The following DPP10 variants were observed in gnomAD, a reference collection of about 807,000 sequenced individuals.
DPP10 encodes the protein inactive dipeptidyl peptidase 10.
Under a neutral mutation model 120.9 loss-of-function variants are expected in DPP10, and 33 were observed. The observed-to-expected ratio is 0.27, with a 90% CI of 0.21 to 0.37. The LOEUF (loss-of-function observed/expected upper bound fraction) is 0.37. DPP10 is among the 10% of genes least tolerant of loss of function. The pLI is 1.00. For synonymous variants in DPP10, 337 were observed against 326.1 expected, an observed-to-expected ratio of 1.03 and a Z score of -0.36; for missense variants, 816 against 942.8, an observed-to-expected ratio of 0.87 and a Z score of 1.76.
At chr2:115,097,792 A>C (rs1481440904) in intron 1 of DPP10, among the ~76,000 whole-genome samples, 3 of 152,174 alleles carry the variant, frequency 2.0e-5, no homozygotes, top group African/African-American at 7.2e-5. Context: ...TTTTTTGAAT[A>C]GTCCTTGTTA....
In DPP10 at chr2:115,814,808, A is replaced by T. The variant is rs1033960834; in HGVS notation, c.1716A>T (p.Gly572=). ...GTATTTGCAGGGATGAAGAACCAGG[A>T]GGCCAGCTGGTTACAGATAAGTTCC... ...ALLLIMDEEP[G]GQLVTDKFHI... Residue 572 remains glycine, a synonymous_variant, in exon 20 of 26, where the codon GGA becomes GGT. Transcript: ENST00000410059. 7.1e-6 allele frequency: 11 copies of T among 1,547,006 alleles called. No individual in the cohort carries two copies. The African/African-American group carries it at 1.5e-4, about 21-fold the overall frequency.
In DPP10 at chr2:115,782,373, G is replaced by T; in HGVS notation, c.1505G>T (p.Ser502Ile). Reference protein sequence around the residue: ...FCEGPRVPVVSLHSTDNPAKY... With the variant: ...FCEGPRVPVVILHSTDNPAKY... The stretch of plus-strand genomic sequence containing the variant: ...CCAGGTCCAAGGGTCCCAGTGGTCA[G>T]CCTACATAGTACGGACAACCCAGCA... The change falls in exon 17 of 26, where the codon AGC becomes ATC. Residue 502 changes from serine to isoleucine, a missense_variant. Coordinates refer to ENST00000410059, the MANE Select transcript of DPP10 (RefSeq NM_020868.6). 2 of 1,612,336 alleles carry T rather than the reference G, an allele frequency of 1.2e-6. No individual in the cohort carries two copies. The highest frequency in any genetic ancestry group is 1.7e-6 in the Non-Finnish European group (2 of 1,178,610).
chr2:115,211,325 C>T (rs912276733), intron 1 of DPP10, among the ~76,000 whole-genome samples: 8 of 149,706 alleles, frequency 5.3e-5, no homozygotes, highest in East Asian at 2.0e-4. Flanking sequence ...ATGGCCTAAA[C>T]CAAAATAAAA....
chr2:114,975,682 ACT>A (rs1699709473), intron 1 of DPP10, among the ~76,000 whole-genome samples: 1 of 151,940 alleles, frequency 6.6e-6, no homozygotes, highest in South Asian at 2.1e-4. Flanking sequence ...ATGGAGTCTC[ACT>A]CTGTCACACA....
intron 1 of DPP10, among the ~76,000 whole-genome samples, chr2:115,208,573 T>C (rs920322198): frequency 1.1e-4 from 17 of 152,200 alleles, no homozygotes; most frequent in Non-Finnish European, 1.9e-4. Flanking sequence ...ATCTGCTTTT[T>C]ATTATTTACC....
chr2:115,403,635 A>G lies in DPP10; in HGVS notation c.271+59723A>G, dbSNP rs148119525. 2.1e-3 allele frequency among the ~76,000 whole-genome samples: 313 copies of G among 152,154 alleles called. 2 individuals are homozygous for G. Among genetic ancestry groups the G allele is most frequent in the African/African-American group, 7.3e-3 (303 of 41,522 alleles). Reference sequence around the variant, plus strand: ...TTCTGGCCTCTAACTCCTAACCTCAAGTGATCCATCCACCTGCTTCAGCCT... The same window carrying G: ...TTCTGGCCTCTAACTCCTAACCTCAGGTGATCCATCCACCTGCTTCAGCCT... On this transcript the variant is annotated intron_variant, in intron 3 of 25. Transcript: ENST00000410059.
At chr2:115,764,741 G>A (rs764084262) in intron 12 of DPP10, among the ~76,000 whole-genome samples, 5 of 151,944 alleles carry the variant, frequency 3.3e-5, no homozygotes, top group East Asian at 1.9e-4. Flanking sequence ...GCCATTGGTC[G>A]TTTATCACAG....
chr2:115,019,232 C>T (rs990763937), intron 1 of DPP10, among the ~76,000 whole-genome samples: 1 of 151,496 alleles, frequency 6.6e-6, no homozygotes, highest in Non-Finnish European at 1.5e-5. Context: ...ACTGCAAGCA[C>T]CTGTTAATAA....
chr2:114,808,250 A>G (rs976780939), intron 1 of DPP10, among the ~76,000 whole-genome samples: 2 of 152,204 alleles, frequency 1.3e-5, no homozygotes, highest in African/African-American at 4.8e-5. Flanking sequence ...TTAATATACT[A>G]TAATTTAATT....
intron 5 of DPP10, among the ~76,000 whole-genome samples, chr2:115,592,172 C>T (rs975218406): frequency 1.3e-5 from 2 of 152,050 alleles, no homozygotes; most frequent in African/African-American, 4.8e-5. Flanking sequence ...AGAATAAAGA[C>T]CCAAGCTAAC....
intron 1 of DPP10, among the ~76,000 whole-genome samples, chr2:114,911,174 T>C (rs1200925411): frequency 6.6e-6 from 1 of 152,220 alleles, no homozygotes; most frequent in African/African-American, 2.4e-5. Flanking sequence ...ATTTTATTGT[T>C]TGATTCTTTT....
intron 1 of DPP10, among the ~76,000 whole-genome samples, chr2:114,741,507 A>T (rs74693817): frequency 0.014 from 2,152 of 152,292 alleles, 27 homozygotes; most frequent in Middle Eastern, 0.031. Flanking sequence ...CTATAGGAAC[A>T]GGAAGAGAAA....
At chr2:114,600,946 C>T (rs1263079120) in intron 1 of DPP10, among the ~76,000 whole-genome samples, 1 of 151,754 alleles carries the variant, frequency 6.6e-6, no homozygotes, top group African/African-American at 2.4e-5. Flanking sequence ...AACAGGAACA[C>T]TTTAAAAGAG....
At chr2:115,377,148 A>G (rs1163633901) in intron 3 of DPP10, among the ~76,000 whole-genome samples, 1 of 152,090 alleles carries the variant, frequency 6.6e-6, no homozygotes, top group African/African-American at 2.4e-5. Context: ...CAATGGTTGA[A>G]CTAGTTTACA....
intron 3 of DPP10, among the ~76,000 whole-genome samples, chr2:115,488,882 A>T (rs979204064): frequency 3.2e-5 from 2 of 62,426 alleles, no homozygotes; most frequent in African/African-American, 1.1e-4. Context: ...GAGTATAATA[A>T]AAAAAAAAAA....
intron 1 of DPP10, among the ~76,000 whole-genome samples, chr2:115,067,272 G>A (rs1485843193): frequency 1.3e-5 from 2 of 151,902 alleles, no homozygotes; most frequent in Admixed American, 1.3e-4. Context: ...TTTGTTTTGA[G>A]ACGGAGTCTG....
chr2:115,278,549 C>T (rs938495067), intron 1 of DPP10, among the ~76,000 whole-genome samples: 2 of 152,084 alleles, frequency 1.3e-5, no homozygotes, highest in African/African-American at 4.8e-5. Flanking sequence ...GTGCCAACAT[C>T]TGCTTGGCTT....
At chr2:115,597,898 G>A (rs975171801) in intron 5 of DPP10, among the ~76,000 whole-genome samples, 1 of 152,038 alleles carries the variant, frequency 6.6e-6, no homozygotes, top group Non-Finnish European at 1.5e-5. Context: ...TTGTAAAGTT[G>A]TCTATTTCTC....
chr2:115,208,219 A>C (rs965923044), intron 1 of DPP10, among the ~76,000 whole-genome samples: 7 of 99,330 alleles, frequency 7.0e-5, no homozygotes, highest in Non-Finnish European at 1.1e-4. Flanking sequence ...TTTTTTTTTG[A>C]GATGGAGTCT....
Sources: allele counts gnomAD v4.1 joint callset (sites outside exome capture counted in the v4.1 genomes callset), GRCh38; gene constraint gnomAD v4.1.1; transcripts MANE v1.5; gene names NCBI Gene and HGNC (gene_info 2026-07-23, HGNC 2026-07-21).